The following FAT3 variants were observed in gnomAD, a reference collection of about 807,000 sequenced individuals.
FAT3 encodes the protein protocadherin Fat 3.
In FAT3, 95 loss-of-function variants were observed where a neutral mutation model predicts 310.2. The observed-to-expected ratio is 0.31, with a 90% CI of 0.26 to 0.36. The LOEUF (loss-of-function observed/expected upper bound fraction) is 0.36, where lower values mean the gene tolerates loss of function less well. Ranked by LOEUF, FAT3 falls within the 10% of genes least tolerant of loss-of-function variation. The pLI, the probability that FAT3 is intolerant of heterozygous loss-of-function variation, is 1.00. For synonymous variants in FAT3, 2,314 were observed against 2,192.9 expected (o/e 1.06, Z -1.54); for missense variants, 5,408 against 5,715.6 (o/e 0.95, Z 1.74).
intron 4 of FAT3, among the ~76,000 whole-genome samples, chr11:92,739,470 T>C (rs1945444483): frequency 1.3e-5 from 2 of 152,198 alleles, no homozygotes; most frequent in Non-Finnish European, 1.5e-5. Flanking sequence ...GAATTTTTAA[T>C]GTAGCAAAAT....
chr11:92,283,664 C>T (rs1237931081), intron 1 of FAT3, among the ~76,000 whole-genome samples: 1 of 152,162 alleles, frequency 6.6e-6, no homozygotes, highest in Admixed American at 6.6e-5. Context: ...CTTACCCCTT[C>T]TCAGTGAGAC....
intron 2 of FAT3, among the ~76,000 whole-genome samples, chr11:92,478,126 C>A (rs1386087445): frequency 6.6e-6 from 1 of 152,132 alleles, no homozygotes; most frequent in African/African-American, 2.4e-5. Context: ...AAATATTTTC[C>A]AAATAAAATG....
intron 2 of FAT3, among the ~76,000 whole-genome samples, chr11:92,387,524 A>C (rs1396940702): frequency 6.6e-6 from 1 of 152,130 alleles, no homozygotes; most frequent in Non-Finnish European, 1.5e-5. Flanking sequence ...TGAAGCACCC[A>C]ACTCAAGATA....
intron 1 of FAT3, among the ~76,000 whole-genome samples, chr11:92,262,186 A>G (rs2134309484): frequency 6.6e-6 from 1 of 152,136 alleles, no homozygotes. Context: ...TGGAAATTCT[A>G]TTGACTAAAT....
Position 92,353,865 on chromosome 11 carries a change from G to A in FAT3, c.1753G>A (p.Gly585Arg). ...TCTCTTTGAAAAAGTGGCTTGCCAG[G>A]GAGTTATTTCATATGACTTTCCAGT... ...SPLFEKVACQ[G>R]VISYDFPVGG... Residue 585 changes from glycine to arginine, a missense_variant, in exon 2 of 28, where the codon GGA becomes AGA. Transcript: ENST00000525166. The A allele has an allele frequency of 6.2e-7, 1 of 1,613,574 alleles. No homozygotes were observed. The highest frequency in any genetic ancestry group is 1.3e-5 in the African/African-American group (1 of 75,042).
chr11:92,732,479 A>G (rs1356352363), intron 4 of FAT3, among the ~76,000 whole-genome samples: 2 of 152,166 alleles, frequency 1.3e-5, no homozygotes, highest in African/African-American at 2.4e-5. Context: ...TATACCCTCA[A>G]TGCATTTATG....
chr11:92,394,485 C>T (rs918468122), intron 2 of FAT3, among the ~76,000 whole-genome samples: 2 of 152,078 alleles, frequency 1.3e-5, no homozygotes, highest in Non-Finnish European at 2.9e-5. Flanking sequence ...CTCACCCTTT[C>T]CACCACCAGT....
intron 2 of FAT3, among the ~76,000 whole-genome samples, chr11:92,476,759 A>G (rs1952062093): frequency 6.6e-6 from 1 of 152,206 alleles, no homozygotes; most frequent in Non-Finnish European, 1.5e-5. Flanking sequence ...ACTTAAATGC[A>G]GTGGGTACTA....
intron 22 of FAT3, among the ~76,000 whole-genome samples, chr11:92,871,647 A>G (rs1379731684): frequency 6.6e-6 from 1 of 152,198 alleles, no homozygotes; most frequent in African/African-American, 2.4e-5. Context: ...TGCTGTCCAC[A>G]TCAGGAACTT....
At chr11:92,294,752 C>T (rs1437005621) in intron 1 of FAT3, among the ~76,000 whole-genome samples, 1 of 150,392 alleles carries the variant, frequency 6.6e-6, no homozygotes, top group African/African-American at 2.4e-5. Context: ...ATCCTTCACT[C>T]CATCCCTCTT....
chr11:92,801,131 A>G lies in FAT3; in HGVS notation c.8118A>G (p.Pro2706=). 6.2e-7 allele frequency: 1 copy of G among 1,613,968 alleles called. No homozygotes were observed. The highest frequency in any genetic ancestry group is 8.5e-7 in the Non-Finnish European group (1 of 1,179,876). Residue 2706 remains proline, a synonymous_variant, in exon 10 of 28, where the codon CCA becomes CCG. Transcript: ENST00000525166. Reference sequence around the variant, plus strand: ...TCTTGCCCCCTGAAACGTTCTTGCCATCATTCACCCAGTCTCAGTATTCCT... The same window carrying G: ...TCTTGCCCCCTGAAACGTTCTTGCCGTCATTCACCCAGTCTCAGTATTCCT... ...IHVLPPETFL[P]SFTQSQYSFT...
At chr11:92,607,477 T>C (rs1940355663) in intron 3 of FAT3, among the ~76,000 whole-genome samples, 1 of 152,182 alleles carries the variant, frequency 6.6e-6, no homozygotes, top group South Asian at 2.1e-4. Context: ...AAATTTTGCC[T>C]TCTGAGGGGA....
At chr11:92,737,646 T>A (rs1384447162) in intron 4 of FAT3, among the ~76,000 whole-genome samples, 3 of 152,148 alleles carry the variant, frequency 2.0e-5, no homozygotes, top group African/African-American at 4.8e-5. Flanking sequence ...GAATCAACCT[T>A]GTTTAATTTT....
intron 3 of FAT3, among the ~76,000 whole-genome samples, chr11:92,685,791 G>GA (rs984139296): frequency 7.9e-5 from 12 of 152,022 alleles, no homozygotes; most frequent in African/African-American, 2.2e-4. Flanking sequence ...TCTATTGACA[G>GA]AAAAAAACAT....
intron 3 of FAT3, among the ~76,000 whole-genome samples, chr11:92,549,093 C>G (rs1421095604): frequency 1.3e-5 from 2 of 152,134 alleles, no homozygotes; most frequent in African/African-American, 4.8e-5. Flanking sequence ...TTATAGATTA[C>G]TTCTTCTGGG....
At chr11:92,882,628 C>T in intron 23 of FAT3, 110 bp from the exon 24 acceptor site, 1 of 792,626 alleles carries the variant, frequency 1.3e-6, no homozygotes, top group Non-Finnish European at 1.8e-6. Context: ...CATCTGTACC[C>T]TTTAGGTGCA....
rs182781453 is a variant in FAT3 at position 92,351,574 on chromosome 11, A to G, written c.-17-522A>G. On this transcript the variant is annotated intron_variant, in intron 1 of 27. Coordinates refer to ENST00000525166, the MANE Select transcript of FAT3 (RefSeq NM_001367949.2). Reference sequence around the variant, plus strand: ...CTGCATCTGAAAATGCACATCTTTTATGTCTCTATTTTTAATGACTGCATA... The same window carrying G: ...CTGCATCTGAAAATGCACATCTTTTGTGTCTCTATTTTTAATGACTGCATA... Among the ~76,000 whole-genome samples the G allele has an allele frequency of 2.1e-3, 321 of 152,186 alleles. 3 individuals are homozygous for G. Among genetic ancestry groups the G allele is most frequent in the Middle Eastern group, 0.014 (4 of 294 alleles).
Position 92,867,745 on chromosome 11 carries a change from A to G in FAT3, c.12127+536A>G, listed in dbSNP as rs1347034359. On this transcript the variant is annotated intron_variant, in intron 22 of 27. Transcript: ENST00000525166. ...TGGAACATACTTTTGCAATGTGTAT[A>G]TTAAAAATAAGTCTAGTTACAGCTT... Among the ~76,000 whole-genome samples the G allele has an allele frequency of 2.6e-5, 4 of 152,370 alleles. No homozygotes were observed. In the East Asian group the frequency reaches 5.8e-4, roughly 22 times the overall value.
intron 2 of FAT3, among the ~76,000 whole-genome samples, chr11:92,499,277 A>G (rs549157073): frequency 6.6e-6 from 1 of 152,204 alleles, no homozygotes; most frequent in East Asian, 1.9e-4. Context: ...AGAGACAGGA[A>G]AGGAATTGGG....
Sources: allele counts gnomAD v4.1 joint callset (sites outside exome capture counted in the v4.1 genomes callset), GRCh38; gene constraint gnomAD v4.1.1; transcripts MANE v1.5; gene names NCBI Gene and HGNC (gene_info 2026-07-23, HGNC 2026-07-21).